ADGRB2: variants seen among roughly 807,000 people sequenced by gnomAD.
ADGRB2 encodes adhesion G protein-coupled receptor B2.
In ADGRB2, 47 loss-of-function variants were observed where a neutral mutation model predicts 178.7. That is an observed-to-expected ratio of 0.26 (90% CI 0.21 to 0.34). The LOEUF is 0.34. Among genes scored for constraint, ADGRB2 ranks in the 10% least tolerant of loss-of-function variants. ADGRB2 has a pLI of 1.00. For missense variants in ADGRB2, 1,584 were observed against 2,180.8 expected, an observed-to-expected ratio of 0.73 and a Z score of 5.45; for synonymous variants, 870 against 912.4, an observed-to-expected ratio of 0.95 and a Z score of 0.84.
At chr1:31,763,762 G>C in intron 1 of ADGRB2, 122 bp downstream of exon 1, 4 of 979,944 alleles carry the variant, frequency 4.1e-6, no homozygotes, top group Non-Finnish European at 4.8e-6. Context: ...GTTCGGGCTG[G>C]GGGAGAATTC....
intron 4 of ADGRB2, among the ~76,000 whole-genome samples, chr1:31,748,074 G>T (rs1483714869): frequency 6.6e-6 from 1 of 152,200 alleles, no homozygotes; most frequent in East Asian, 1.9e-4. Context: ...TGAGAGACCA[G>T]CCTGACCTGC....
At chr1:31,750,887 C>G (rs1360170763) in intron 4 of ADGRB2, among the ~76,000 whole-genome samples, 2 of 152,086 alleles carry the variant, frequency 1.3e-5, no homozygotes, top group East Asian at 1.9e-4. Flanking sequence ...CCGCCCCCCC[C>G]AATAATTCTT....
chr1:31,735,144 C>T lies in ADGRB2; in HGVS notation c.3452+39G>A. 7.4e-7 allele frequency: 1 copy of T among 1,360,198 alleles called. No homozygotes were observed. Among genetic ancestry groups the T allele is most frequent in the South Asian group, 1.6e-5 (1 of 60,960 alleles). 84.3% of individuals were successfully genotyped at this position (1,360,198 alleles called of 1,614,324 possible). A position where few individuals can be genotyped will look rare whatever the true frequency, so the allele number is the denominator to read the frequency against. ...GCACTGCCCCCCCCAATTCCTTTGCCCCACCCACCCCCACCGCCCCCCAGG... is the reference window on the plus strand; with the variant it reads ...GCACTGCCCCCCCCAATTCCTTTGCTCCACCCACCCCCACCGCCCCCCAGG... On this transcript the variant is annotated intron_variant, in intron 25 of 32. Coordinates refer to ENST00000373658, the MANE Select transcript of ADGRB2 (RefSeq NM_001364857.2). This position sits in a 1 kb window ranked among gnomAD's most constrained non-coding sequence, Gnocchi z 6.0.
chr1:31,747,951 G>T (rs1035658565), intron 4 of ADGRB2, among the ~76,000 whole-genome samples: 1 of 152,236 alleles, frequency 6.6e-6, no homozygotes, highest in Non-Finnish European at 1.5e-5. Context: ...CACTTTGGAG[G>T]TGCAAATCCA....
At chr1:31,743,616 C>T (rs1646109941) in intron 6 of ADGRB2, 1 of 152,972 alleles carries the variant, frequency 6.5e-6, no homozygotes, top group Non-Finnish European at 1.5e-5. Context: ...GGCCTCACTT[C>T]ACCCACTCAG....
At position 31,744,638 on chromosome 1, in the gene ADGRB2, C is replaced by T; in HGVS notation, c.922+10G>A. 6.2e-7 allele frequency: 1 copy of T among 1,613,682 alleles called. No individual in the cohort carries two copies. Among genetic ancestry groups the T allele is most frequent in the Middle Eastern group, 1.7e-4 (1 of 6,022 alleles). On this transcript the variant is annotated intron_variant, in intron 5 of 32. Transcript: ENST00000373658. The surrounding 1 kb of genome is among the most constrained non-coding windows in gnomAD (Gnocchi z 6.7). ...CCCGCCGCAGAGGAAGGGAGGCGGG[C>T]CCGAGTTACCTGTCTGCGCCATGTA...
chr1:31,741,588 GGGT>G lies in ADGRB2; in HGVS notation c.1687+33_1687+35del, dbSNP rs772455752. The G allele has an allele frequency of 1.0e-5, 16 of 1,605,896 alleles. No homozygotes were observed. Among genetic ancestry groups the G allele is most frequent in the East Asian group, 2.2e-5 (1 of 44,790 alleles). On this transcript the variant is annotated intron_variant, in intron 10 of 32. Coordinates refer to ENST00000373658, the MANE Select transcript of ADGRB2 (RefSeq NM_001364857.2). This position sits in a 1 kb window ranked among gnomAD's most constrained non-coding sequence, Gnocchi z 6.5. ...CAGAAGGGGGCAATGAGAATGGCAG[GGGT>G]GGTGGTGGTGGGGAAAGCCACCTGC...
chr1:31,741,350 C>T lies in ADGRB2; in HGVS notation c.1794+23G>A, dbSNP rs983200917. The stretch of plus-strand genomic sequence containing the variant: ...AGTCTGAGACAGATTCTGCTGTGCC[C>T]CAGCCCAGCAGGGTGCACTCACTGA... On this transcript the variant is annotated intron_variant, in intron 11 of 32. Transcript: ENST00000373658. This position sits in a 1 kb window ranked among gnomAD's most constrained non-coding sequence, Gnocchi z 6.5. 5.7e-6 allele frequency: 9 copies of T among 1,574,698 alleles called. No individual in the cohort carries two copies. In the African/African-American group the frequency reaches 1.1e-4, roughly 19 times the overall value.
At position 31,731,394 on chromosome 1, in the gene ADGRB2, G is replaced by A. The variant is rs774678243; in HGVS notation, c.3786C>T (p.Cys1262=). 3.3e-5 allele frequency: 53 copies of A among 1,606,940 alleles called. No homozygotes were observed. In the Admixed American group the frequency reaches 7.4e-4, roughly 22 times the overall value. The part of the protein sequence containing the change: ...QTVLFKEVNT[C]NPSTITGTLS... ...GTGTGCCCGTGATGGTGGACGGGTT[G>A]CAAGTGTTGACCTCCTTGAACAGCA... Residue 1262 remains cysteine (C), a synonymous_variant, in exon 29 of 33, where the codon TGC becomes TGT. Transcript: ENST00000373658.
chr1:31,738,434 C>T (rs12138106), intron 17 of ADGRB2, 108 bp from the exon 18 acceptor site: 54,637 of 1,556,572 alleles, frequency 0.035, 1,127 homozygotes, highest in Non-Finnish European at 0.042. Context: ...GCCACATCCA[C>T]GAGGCAACAG....
At position 31,741,165 on chromosome 1, in the gene ADGRB2, G is replaced by T. The variant is rs951556019; in HGVS notation, c.1794+208C>A. 6.6e-6 allele frequency among the ~76,000 whole-genome samples: 1 copy of T among 152,164 alleles called. No individual in the cohort carries two copies. The highest frequency in any genetic ancestry group is 2.1e-4 in the South Asian group (1 of 4,828). On this transcript the variant is annotated intron_variant, in intron 11 of 32. Coordinates refer to ENST00000373658, the MANE Select transcript of ADGRB2 (RefSeq NM_001364857.2). The surrounding 1 kb of genome is among the most constrained non-coding windows in gnomAD (Gnocchi z 6.5). ...GAGCTCATTCTGCAGGAGCGCAGAGGTAGGCACCAGGGATAAAAGAAGACA... is the reference window on the plus strand; with the variant it reads ...GAGCTCATTCTGCAGGAGCGCAGAGTTAGGCACCAGGGATAAAAGAAGACA...
In ADGRB2 at chr1:31,753,409, C is replaced by T. The variant is rs998584862; in HGVS notation, c.838+2590G>A. On this transcript the variant is annotated intron_variant, in intron 4 of 32. Coordinates refer to ENST00000373658, the MANE Select transcript of ADGRB2 (RefSeq NM_001364857.2). This position sits in a 1 kb window ranked among gnomAD's most constrained non-coding sequence, Gnocchi z 4.1. ...CGGCTCTGAGGCGTCCCAGGCACTCCGCCAGTCACTGCCCACCAGCCCCCA... is the reference window on the plus strand; with the variant it reads ...CGGCTCTGAGGCGTCCCAGGCACTCTGCCAGTCACTGCCCACCAGCCCCCA... Among the ~76,000 whole-genome samples, 3 of 152,230 alleles carry T rather than the reference C, an allele frequency of 2.0e-5. No homozygotes were observed. The highest frequency in any genetic ancestry group is 7.2e-5 in the African/African-American group (3 of 41,454).
Position 31,735,611 on chromosome 1 carries a change from T to G in ADGRB2, c.3322A>C (p.Ile1108Leu). 1.9e-6 allele frequency: 3 copies of G among 1,613,632 alleles called. No homozygotes were observed. In the South Asian group the frequency reaches 3.3e-5, roughly 18 times the overall value. The stretch of plus-strand genomic sequence containing the variant: ...CTCTGCTTCTTGGATTTGTCGGAGA[T>G]GCCATCACGTGCCATGAGCTTGTTG... ...VFNKLMARDG[I>L]SDKSKKQRAG... The change falls in exon 24 of 33, where the codon ATC becomes CTC. Residue 1108 changes from isoleucine to leucine, a missense_variant. Physicochemically the swap from Ile to Leu is conservative, Grantham distance 5 (BLOSUM62 2). This residue lies in a region of ADGRB2 where 865 missense variants were observed against 1,192.8 expected (regional missense o/e 0.73). Coordinates refer to ENST00000373658, the MANE Select transcript of ADGRB2 (RefSeq NM_001364857.2). The surrounding 1 kb of genome is among the most constrained non-coding windows in gnomAD (Gnocchi z 6.0).
At position 31,756,903 on chromosome 1, in the gene ADGRB2, A is replaced by G. The variant is rs1646865524; in HGVS notation, c.22-88T>C. The G allele has an allele frequency of 3.0e-6, 4 of 1,313,428 alleles. No individual in the cohort carries two copies. The highest frequency in any genetic ancestry group is 3.1e-5 in the South Asian group (2 of 63,672). 81.4% of individuals were successfully genotyped at this position (1,313,428 alleles called of 1,614,324 possible). A position where few individuals can be genotyped will look rare whatever the true frequency, so the allele number is the denominator to read the frequency against. ...ATGGTGAGCTGCGGGAGTGGGCCTC[A>G]TAAGTTAAGACCCTGGTCTTTGAAG... On this transcript the variant is annotated intron_variant, in intron 3 of 32. Transcript: ENST00000373658. The surrounding 1 kb of genome is among the most constrained non-coding windows in gnomAD (Gnocchi z 8.5).
At chr1:31,762,798 GCGGGTCCCAGGCTT>G (rs1647080294) in intron 1 of ADGRB2, among the ~76,000 whole-genome samples, 3 of 152,248 alleles carry the variant, frequency 2.0e-5, no homozygotes, top group Non-Finnish European at 4.4e-5. Context: ...AGAAGGGGTG[GCGGGTCCCAGGCTT>G]CGGGCAGGGG....
In ADGRB2 at chr1:31,754,595, A is replaced by G. The variant is rs1215997281; in HGVS notation, c.838+1404T>C. On this transcript the variant is annotated intron_variant, in intron 4 of 32. Coordinates refer to ENST00000373658, the MANE Select transcript of ADGRB2 (RefSeq NM_001364857.2). The surrounding 1 kb of genome is among the most constrained non-coding windows in gnomAD (Gnocchi z 5.7). Reference sequence around the variant, plus strand: ...GCCCGGCTGTCACTCGGACGGCTTCATTGACCGCCGTTAGAGGCCAAGCTA... The same window carrying G: ...GCCCGGCTGTCACTCGGACGGCTTCGTTGACCGCCGTTAGAGGCCAAGCTA... 1.3e-5 allele frequency among the ~76,000 whole-genome samples: 2 copies of G among 152,242 alleles called. No homozygotes were observed. The highest frequency in any genetic ancestry group is 2.4e-5 in the African/African-American group (1 of 41,474).
At position 31,727,637 on chromosome 1, in the gene ADGRB2, G is replaced by T; in HGVS notation, c.4573-32C>A. On this transcript the variant is annotated intron_variant, in intron 32 of 32. Transcript: ENST00000373658. The surrounding 1 kb of genome is among the most constrained non-coding windows in gnomAD (Gnocchi z 4.4). ...AGGGAGCGGGAGGGGCCGTGGAGAT[G>T]GGCCAATATCCTTACCCATTGTACA... 6 of 1,466,728 alleles carry T rather than the reference G, an allele frequency of 4.1e-6. No homozygotes were observed. Among genetic ancestry groups the T allele is most frequent in the Non-Finnish European group, 5.4e-6 (6 of 1,113,980 alleles). 90.9% of individuals were successfully genotyped at this position (1,466,728 alleles called of 1,614,324 possible). A position where few individuals can be genotyped will look rare whatever the true frequency, so the allele number is the denominator to read the frequency against.
At position 31,728,356 on chromosome 1, in the gene ADGRB2, C is replaced by T. The variant is rs1303825261; in HGVS notation, c.4417-76G>A. ...CCCCCCTACCCAGGGCACTCAGCAC[C>T]CCAAGCCCCCCACATCCCTCCCTGC... On this transcript the variant is annotated intron_variant, in intron 30 of 32. Coordinates refer to ENST00000373658, the MANE Select transcript of ADGRB2 (RefSeq NM_001364857.2). This position sits in a 1 kb window ranked among gnomAD's most constrained non-coding sequence, Gnocchi z 6.7. The T allele has an allele frequency of 1.4e-6, 2 of 1,463,614 alleles. No homozygotes were observed. The highest frequency in any genetic ancestry group is 1.9e-6 in the Non-Finnish European group (2 of 1,059,342). 90.7% of individuals were successfully genotyped at this position (1,463,614 alleles called of 1,614,324 possible).
chr1:31,760,828 T>TG (rs1160652675), intron 1 of ADGRB2: 3 of 152,264 alleles, frequency 2.0e-5, no homozygotes, highest in African/African-American at 7.2e-5. Flanking sequence ...TCTGTCGCCC[T>TG]GGGGGACGCA....
Sources: allele counts gnomAD v4.1 joint callset (sites outside exome capture counted in the v4.1 genomes callset), GRCh38; gene constraint gnomAD v4.1.1; regional missense constraint gnomAD v4.1.1; non-coding constraint Gnocchi (gnomAD v3.1); transcripts MANE v1.5; gene names NCBI Gene and HGNC (gene_info 2026-07-23, HGNC 2026-07-21).